LHFPL3: variants seen among roughly 807,000 people sequenced by gnomAD.
LHFPL3 encodes the protein LHFPL tetraspan subfamily member 3 protein.
Under a neutral mutation model 19.3 loss-of-function variants are expected in LHFPL3, and 5 were observed. The observed-to-expected ratio is 0.26, with a 90% CI of 0.14 to 0.54. The LOEUF is 0.54. Ranked by LOEUF, LHFPL3 falls within the 20% of genes least tolerant of loss-of-function variation. The probability of loss-of-function intolerance (pLI) is 0.94; values close to 1 mark genes in which losing one functional copy is unlikely to be tolerated. For synonymous variants in LHFPL3, 133 were observed against 126.2 expected (o/e 1.05, Z -0.36); for missense variants, 249 against 307.4 (o/e 0.81, Z 1.42).
At position 104,558,724 on chromosome 7, in the gene LHFPL3, T is replaced by G. The variant is rs1216161265; in HGVS notation, c.446-177951T>G. 1.0e-4 allele frequency among the ~76,000 whole-genome samples: 15 copies of G among 150,538 alleles called. No individual in the cohort carries two copies. In the East Asian group the frequency reaches 1.7e-3, roughly 17 times the overall value. ...TAATTTTGGCTTTTGTTGCCATTGC[T>G]TTTGGTGTTTTAGACATGAAGTCCT... is the stretch of plus-strand genomic sequence containing the variant. On this transcript the variant is annotated intron_variant, in intron 1 of 2. Transcript: ENST00000424859.
chr7:104,841,605 G>C (rs1037713846), intron 2 of LHFPL3, among the ~76,000 whole-genome samples: 2 of 151,082 alleles, frequency 1.3e-5, no homozygotes, highest in African/African-American at 4.9e-5. Context: ...TGTGTGTGCA[G>C]AGCTTTCATT....
chr7:104,903,410 A>C (rs972535931), intron 2 of LHFPL3, among the ~76,000 whole-genome samples: 4 of 150,258 alleles, frequency 2.7e-5, no homozygotes, highest in African/African-American at 7.3e-5. Flanking sequence ...CCCCTGCCCC[A>C]CACACACATA....
At chr7:104,392,398 G>T (rs547217601) in intron 1 of LHFPL3, among the ~76,000 whole-genome samples, 100 of 151,886 alleles carry the variant, frequency 6.6e-4, no homozygotes, top group African/African-American at 2.3e-3. Flanking sequence ...AGCATGAAGG[G>T]CTGTTGAATT....
At chr7:104,526,146 A>G (rs1794185059) in intron 1 of LHFPL3, among the ~76,000 whole-genome samples, 2 of 152,128 alleles carry the variant, frequency 1.3e-5, no homozygotes, top group African/African-American at 2.4e-5. Flanking sequence ...CTCACCCCTT[A>G]TGGTGCATGA....
intron 2 of LHFPL3, among the ~76,000 whole-genome samples, chr7:104,800,805 A>C (rs1248349483): frequency 2.0e-5 from 3 of 152,118 alleles, no homozygotes; most frequent in African/African-American, 7.2e-5. Flanking sequence ...GAGTTCCTAC[A>C]CACACCCTCA....
chr7:104,715,809 G>A (rs2116229579), intron 1 of LHFPL3, among the ~76,000 whole-genome samples: 1 of 152,244 alleles, frequency 6.6e-6, no homozygotes, highest in East Asian at 1.9e-4. Flanking sequence ...TTTTGTTGAG[G>A]ATTTTTGCAT....
intron 1 of LHFPL3, among the ~76,000 whole-genome samples, chr7:104,655,226 G>A (rs915500561): frequency 6.6e-6 from 1 of 152,098 alleles, no homozygotes; most frequent in Non-Finnish European, 1.5e-5. Context: ...CTCTTCGGTT[G>A]TCTGTTCCTT....
intron 2 of LHFPL3, among the ~76,000 whole-genome samples, chr7:104,855,309 C>T (rs1280311573): frequency 6.6e-6 from 1 of 152,200 alleles, no homozygotes; most frequent in Non-Finnish European, 1.5e-5. Context: ...CACAGGACAT[C>T]ACCCCTGCAG....
At chr7:104,829,519 C>CG (rs1790901329) in intron 2 of LHFPL3, among the ~76,000 whole-genome samples, 1 of 151,624 alleles carries the variant, frequency 6.6e-6, no homozygotes, top group African/African-American at 2.4e-5. Flanking sequence ...TGTGATGTTC[C>CG]CCTTCCTGTG....
chr7:104,871,933 C>T (rs1365875132), intron 2 of LHFPL3, among the ~76,000 whole-genome samples: 1 of 151,948 alleles, frequency 6.6e-6, no homozygotes, highest in Non-Finnish European at 1.5e-5. Context: ...ACTGGGATTA[C>T]AGGTGTGAGC....
chr7:104,617,084 A>C (rs1349969332), intron 1 of LHFPL3, among the ~76,000 whole-genome samples: 1 of 152,172 alleles, frequency 6.6e-6, no homozygotes, highest in Non-Finnish European at 1.5e-5. Flanking sequence ...ATTGTGGAAG[A>C]CAGTGCGGCG....
At chr7:104,572,658 A>T (rs1050294513) in intron 1 of LHFPL3, among the ~76,000 whole-genome samples, 1 of 152,082 alleles carries the variant, frequency 6.6e-6, no homozygotes, top group Non-Finnish European at 1.5e-5. Flanking sequence ...GTTCTATAGT[A>T]CTCTATTAGC....
chr7:104,725,051 A>T (rs936906275), intron 1 of LHFPL3, among the ~76,000 whole-genome samples: 2 of 152,202 alleles, frequency 1.3e-5, no homozygotes, highest in Admixed American at 1.3e-4. Flanking sequence ...ACTGTTGTAT[A>T]TTATTTCATC....
At chr7:104,465,069 T>C (rs1192409893) in intron 1 of LHFPL3, among the ~76,000 whole-genome samples, 1 of 152,188 alleles carries the variant, frequency 6.6e-6, no homozygotes, top group Non-Finnish European at 1.5e-5. Context: ...TCCACAGATC[T>C]CTGGGGCAGG....
intron 1 of LHFPL3, among the ~76,000 whole-genome samples, chr7:104,440,403 G>A (rs1792200998): frequency 1.3e-5 from 2 of 151,124 alleles, no homozygotes; most frequent in African/African-American, 2.4e-5. Flanking sequence ...ATCACACACC[G>A]GGGCCTGTCG....
intron 2 of LHFPL3, among the ~76,000 whole-genome samples, chr7:104,865,934 G>A (rs1215477159): frequency 2.0e-5 from 3 of 152,174 alleles, no homozygotes; most frequent in Non-Finnish European, 2.9e-5. Flanking sequence ...CGTTCTTAAA[G>A]AAAAGAATTT....
At chr7:104,629,249 A>G (rs1797529913) in intron 1 of LHFPL3, among the ~76,000 whole-genome samples, 1 of 152,154 alleles carries the variant, frequency 6.6e-6, no homozygotes, top group African/African-American at 2.4e-5. Context: ...TGCTGCTGAC[A>G]TCACGGGTGT....
chr7:104,446,219 T>A (rs1277713713), intron 1 of LHFPL3, among the ~76,000 whole-genome samples: 2 of 152,200 alleles, frequency 1.3e-5, no homozygotes, highest in African/African-American at 4.8e-5. Context: ...CTGTTTGTAT[T>A]TTCTGCCCTT....
At chr7:104,568,716 C>G (rs1790169928) in intron 1 of LHFPL3, among the ~76,000 whole-genome samples, 1 of 152,122 alleles carries the variant, frequency 6.6e-6, no homozygotes, top group Non-Finnish European at 1.5e-5. Context: ...TTCCAGTTGT[C>G]TCTGTCCTCC....
Sources: gnomAD v4.1 joint callset for allele counts (sites outside exome capture counted in the v4.1 genomes callset) on GRCh38, gnomAD v4.1.1 for gene constraint, MANE v1.5 for transcripts, NCBI Gene and HGNC (gene_info 2026-07-23, HGNC 2026-07-21) for gene names.